Variants in RAB5IF observed in about 807,000 individuals in gnomAD.
The protein encoded by RAB5IF is GEL complex subunit OPTI.
RAB5IF carries 15 observed loss-of-function variants against 20.3 expected under a neutral mutation model. The observed-to-expected ratio is 0.74, with a 90% CI of 0.50 to 1.14. The LOEUF (loss-of-function observed/expected upper bound fraction) is 1.14, where lower values mean the gene tolerates loss of function less well. RAB5IF is among the 50% of genes most tolerant of loss of function. The pLI is 0.00. For synonymous variants in RAB5IF, 67 were observed against 63.7 expected, an observed-to-expected ratio of 1.05 and a Z score of -0.25; for missense variants, 148 against 159.5, an observed-to-expected ratio of 0.93 and a Z score of 0.39.
chr20:36,609,256 C>CACACACACACACACACACTA (rs1555790839), intron 2 of RAB5IF, among the ~76,000 whole-genome samples: 6 of 121,664 alleles, frequency 4.9e-5, no homozygotes, highest in South Asian at 2.6e-4. Context: ...CACACACACA[C>CACACACACACACACACACTA]TATATATAGA....
chr20:36,605,796 G>C lies in RAB5IF; in HGVS notation c.-156G>C, dbSNP rs917804854. ...CCTGCTCTGTAGAGCCGGCGGAACC[G>C]GGTAGCTTGGCCAGGTTGTGAGGAA... is the stretch of plus-strand genomic sequence containing the variant. On this transcript the variant is annotated 5_prime_UTR_variant, in exon 1 of 4. Transcript: ENST00000344795. 5.4e-5 allele frequency: 22 copies of C among 405,486 alleles called. No individual in the cohort carries two copies. The highest frequency in any genetic ancestry group is 2.7e-4 in the Admixed American group (6 of 22,054). 25.1% of individuals were successfully genotyped at this position (405,486 alleles called of 1,614,324 possible).
At chr20:36,609,233 A>ACACACC (rs2039038597) in intron 2 of RAB5IF, among the ~76,000 whole-genome samples, 1 of 126,970 alleles carries the variant, frequency 7.9e-6, no homozygotes, top group East Asian at 2.2e-4. Flanking sequence ...ACACACACAC[A>ACACACC]CACACACACA....
At position 36,609,195 on chromosome 20, in the gene RAB5IF, G is replaced by GACACA. The variant is rs1568595472; in HGVS notation, c.219-406_219-405insACACA. Among the ~76,000 whole-genome samples, 2 of 34,004 alleles carry GACACA rather than the reference G, an allele frequency of 5.9e-5. 1 individual carries two copies. 22.3% of individuals were successfully genotyped at this position (34,004 alleles called of 152,430 possible). ...CACACACACACACACACACACACAC[G>GACACA]CACACACGCACACACGCACACACGC... On this transcript the variant is annotated intron_variant, in intron 2 of 3. Coordinates refer to ENST00000344795, the MANE Select transcript of RAB5IF (RefSeq NM_018840.5).
At chr20:36,606,444 T>G (rs6101414) in intron 1 of RAB5IF, among the ~76,000 whole-genome samples, 3,769 of 152,302 alleles carry the variant, frequency 0.025, 168 homozygotes, top group African/African-American at 0.086. Flanking sequence ...AGCACAAACA[T>G]TAACAGTAAC....
chr20:36,606,901 C>T (rs2147955026), intron 1 of RAB5IF, among the ~76,000 whole-genome samples: 1 of 152,296 alleles, frequency 6.6e-6, no homozygotes, highest in South Asian at 2.1e-4. Context: ...TCCTGAAGTT[C>T]CTGTAAAGGG....
rs1477848643 is a variant in RAB5IF at position 36,605,816 on chromosome 20, GAGGAACCGC to G, written c.-133_-125del. On this transcript the variant is annotated 5_prime_UTR_variant, in exon 1 of 4. Coordinates refer to ENST00000344795, the MANE Select transcript of RAB5IF (RefSeq NM_018840.5). ...GAACCGGGTAGCTTGGCCAGGTTGT[GAGGAACCGC>G]AGCGCGCCGCAGGACCGGGCCGCTG... is the stretch of plus-strand genomic sequence containing the variant. The G allele has an allele frequency of 2.2e-6, 1 of 444,986 alleles. No homozygotes were observed. Among genetic ancestry groups the G allele is most frequent in the African/African-American group, 2.1e-5 (1 of 48,696 alleles). 27.6% of individuals were successfully genotyped at this position (444,986 alleles called of 1,614,324 possible). A position where few individuals can be genotyped will look rare whatever the true frequency, so the allele number is the denominator to read the frequency against.
Position 36,612,069 on chromosome 20 carries a change from G to C in RAB5IF, c.*18G>C. 2 of 1,614,166 alleles carry C rather than the reference G, an allele frequency of 1.2e-6. No individual in the cohort carries two copies. The highest frequency in any genetic ancestry group is 1.7e-6 in the Non-Finnish European group (2 of 1,180,034). On this transcript the variant is annotated 3_prime_UTR_variant, in exon 4 of 4. Transcript: ENST00000344795. Reference sequence around the variant, plus strand: ...ATGACTGATGGTGTACAGCTCCCAAGTGCTCCCTATCCAGTCCAAAGGACC... The same window carrying C: ...ATGACTGATGGTGTACAGCTCCCAACTGCTCCCTATCCAGTCCAAAGGACC...
intron 2 of RAB5IF, 95 bp downstream of exon 2, chr20:36,607,913 C>CTGTG (rs746624141): frequency 1.9e-6 from 3 of 1,558,608 alleles, no homozygotes; most frequent in Non-Finnish European, 2.6e-6. Flanking sequence ...TGCTCTGGAG[C>CTGTG]TGTGTGTGTG....
At chr20:36,609,180 C>CAGAACTATATT (rs1568595361) in intron 2 of RAB5IF, among the ~76,000 whole-genome samples, 30 of 35,416 alleles carry the variant, frequency 8.5e-4, no homozygotes, top group Non-Finnish European at 1.5e-3. Context: ...CACACACACA[C>CAGAACTATATT]ACACACACAC....
rs766609435 is a variant in RAB5IF, at chr20:36,612,464, C to G, written c.*413C>G. 3.5e-6 allele frequency: 2 copies of G among 565,496 alleles called. No homozygotes were observed. The highest frequency in any genetic ancestry group is 4.8e-4 in the Middle Eastern group (1 of 2,092). The allele number at this position is 565,496 out of a possible 1,614,324, so 35.0% of individuals were successfully genotyped here. On this transcript the variant is annotated 3_prime_UTR_variant, in exon 4 of 4. Coordinates refer to ENST00000344795, the MANE Select transcript of RAB5IF (RefSeq NM_018840.5). ...TTCTGAAACAGCATGGCTGTATGTGCGTGGTCCATAGCACAGTACATGCAG... is the reference window on the plus strand; with the variant it reads ...TTCTGAAACAGCATGGCTGTATGTGGGTGGTCCATAGCACAGTACATGCAG...
intron 1 of RAB5IF, 105 bp from the exon 2 acceptor site, chr20:36,607,610 A>G: frequency 7.2e-7 from 1 of 1,389,760 alleles, no homozygotes; most frequent in Non-Finnish European, 9.9e-7. Flanking sequence ...TTGGGGGGAA[A>G]CAAATTTCCT....
intron 2 of RAB5IF, among the ~76,000 whole-genome samples, chr20:36,609,162 C>CAT (rs1354660617): frequency 4.5e-4 from 5 of 11,190 alleles, no homozygotes; most frequent in African/African-American, 1.6e-3. Context: ...ATATTACACA[C>CAT]ACACACACAC....
At chr20:36,608,329 C>G (rs1384353679) in intron 2 of RAB5IF, 1 of 175,686 alleles carries the variant, frequency 5.7e-6, no homozygotes, top group Non-Finnish European at 1.2e-5. Context: ...ACTGCAGCCT[C>G]GACCTCCTGG....
chr20:36,608,835 G>A (rs890718232), intron 2 of RAB5IF, among the ~76,000 whole-genome samples: 1 of 151,988 alleles, frequency 6.6e-6, no homozygotes, highest in East Asian at 1.9e-4. Flanking sequence ...AAAGTGCTGG[G>A]ATTATAGGCA....
At chr20:36,608,049 C>T (rs1243959968) in intron 2 of RAB5IF, 16 of 1,182,148 alleles carry the variant, frequency 1.4e-5, no homozygotes, top group Non-Finnish European at 1.9e-5. Flanking sequence ...CCAGTCCATT[C>T]ATTCATGGGT....
chr20:36,609,471 C>G (rs576058946), intron 2 of RAB5IF, 130 bp from the exon 3 acceptor site: 4 of 1,330,494 alleles, frequency 3.0e-6, no homozygotes, highest in Non-Finnish European at 3.0e-6. Flanking sequence ...AACTCCTGAC[C>G]GCAAGTGATC....
intron 3 of RAB5IF, among the ~76,000 whole-genome samples, chr20:36,611,051 G>T (rs143329520): frequency 6.6e-6 from 1 of 152,142 alleles, no homozygotes; most frequent in Non-Finnish European, 1.5e-5. Flanking sequence ...GTGCAGTGGC[G>T]CAGTCTTGGC....
At chr20:36,607,031 T>G (rs1004403324) in intron 1 of RAB5IF, among the ~76,000 whole-genome samples, 2 of 152,198 alleles carry the variant, frequency 1.3e-5, no homozygotes, top group Non-Finnish European at 2.9e-5. Context: ...AAGGACTGGT[T>G]TCTGGAATCT....
intron 2 of RAB5IF, among the ~76,000 whole-genome samples, chr20:36,609,203 G>GCA (rs1568595543): frequency 2.9e-5 from 1 of 34,612 alleles, no homozygotes; most frequent in Non-Finnish European, 5.4e-5. Context: ...ACGCACACAC[G>GCA]CACACACGCA....
Sources: allele counts gnomAD v4.1 joint callset (sites outside exome capture counted in the v4.1 genomes callset), GRCh38; gene constraint gnomAD v4.1.1; transcripts MANE v1.5; gene names NCBI Gene and HGNC (gene_info 2026-07-23, HGNC 2026-07-21).